The following TECPR2 variants were observed in gnomAD, a reference collection of about 807,000 sequenced individuals.
TECPR2 encodes the protein tectonin beta-propeller repeat-containing protein 2.
TECPR2 carries 65 observed loss-of-function variants against 138.1 expected under a neutral mutation model. The observed-to-expected ratio is 0.47, with a 90% confidence interval of 0.39 to 0.58. The LOEUF (loss-of-function observed/expected upper bound fraction) is 0.58, where lower values mean the gene tolerates loss of function less well. TECPR2 is among the 20% of genes least tolerant of loss of function. The pLI is 0.00. For missense variants in TECPR2, 1,553 were observed against 1,824.5 expected, an observed-to-expected ratio of 0.85 and a Z score of 2.71; for synonymous variants, 746 against 749.8, an observed-to-expected ratio of 0.99 and a Z score of 0.08.
intron 17 of TECPR2, among the ~76,000 whole-genome samples, chr14:102,493,068 C>G (rs1417593375): frequency 6.6e-6 from 1 of 152,272 alleles, no homozygotes; most frequent in Non-Finnish European, 1.5e-5. Flanking sequence ...TATCTGGAGA[C>G]CCCTCAGAGA....
intron 16 of TECPR2, among the ~76,000 whole-genome samples, chr14:102,460,445 C>T (rs1455726117): frequency 6.6e-6 from 1 of 151,696 alleles, no homozygotes; most frequent in African/African-American, 2.4e-5. Flanking sequence ...GAAGCCCCGT[C>T]TCTACTAACA....
intron 2 of TECPR2, among the ~76,000 whole-genome samples, chr14:102,380,925 G>T (rs376528174): frequency 6.6e-6 from 1 of 150,446 alleles, no homozygotes; most frequent in Non-Finnish European, 1.5e-5. Flanking sequence ...TGATCTGCCC[G>T]CCTCGGCCTC....
Position 102,435,139 on chromosome 14 carries a change from C to T in TECPR2, c.2322C>T (p.Leu774=), listed in dbSNP as rs1889626955. The change falls in exon 9 of 20, where the codon CTC becomes CTT. Residue 774 remains leucine, a synonymous_variant. Coordinates refer to ENST00000359520, the MANE Select transcript of TECPR2 (RefSeq NM_014844.5). The part of the protein sequence containing the change: ...SSSSETSVTE[L]GPSCSQQDLS... ...CCTCAGAGACGAGTGTGACAGAGCT[C>T]GGACCTAGTTGCTCCCAGCAGGACC... 16 of 1,613,396 alleles carry T rather than the reference C, an allele frequency of 9.9e-6. No individual in the cohort carries two copies. The highest frequency in any genetic ancestry group is 1.0e-5 in the Non-Finnish European group (12 of 1,180,044).
At chr14:102,431,556 A>T (rs35257572) in intron 7 of TECPR2, among the ~76,000 whole-genome samples, 1 of 151,958 alleles carries the variant, frequency 6.6e-6, no homozygotes, top group East Asian at 1.9e-4. Context: ...GTTAGCCAGG[A>T]TGGTCTTGAT....
At chr14:102,411,884 T>C (rs1888882655) in intron 4 of TECPR2, among the ~76,000 whole-genome samples, 1 of 151,998 alleles carries the variant, frequency 6.6e-6, no homozygotes, top group Non-Finnish European at 1.5e-5. Context: ...TTTAATAATA[T>C]CCTCATATGA....
intron 4 of TECPR2, among the ~76,000 whole-genome samples, chr14:102,409,392 C>T (rs1888756855): frequency 1.3e-5 from 2 of 151,878 alleles, no homozygotes; most frequent in African/African-American, 2.4e-5. Context: ...CTCCATATCC[C>T]GGGTTCAAGC....
In TECPR2 at chr14:102,444,195, C is replaced by CT. The variant is rs111476747; in HGVS notation, c.2933+384dup. On this transcript the variant is annotated intron_variant, in intron 12 of 19. Transcript: ENST00000359520. ...ATCGAAGTTGATCTCTGAACTGTAGCTTTTTTTTTTTTTTTTGATACAGGT... is the reference window on the plus strand; with the variant it reads ...ATCGAAGTTGATCTCTGAACTGTAGCTTTTTTTTTTTTTTTTTGATACAGGT... Among the ~76,000 whole-genome samples, 926 of 138,746 alleles carry CT rather than the reference C, an allele frequency of 6.7e-3. 8 individuals are homozygous for CT. The highest frequency in any genetic ancestry group is 6.6e-3 in the Non-Finnish European group (420 of 63,834). The allele number at this position is 138,746 out of a possible 152,430, so 91.0% of individuals were successfully genotyped here.
intron 2 of TECPR2, among the ~76,000 whole-genome samples, chr14:102,384,730 T>C (rs1023698309): frequency 3.3e-5 from 5 of 149,370 alleles, no homozygotes; most frequent in African/African-American, 1.2e-4. Context: ...TATATACACA[T>C]ATATATGTAT....
At position 102,431,974 on chromosome 14, in the gene TECPR2, G is replaced by A; in HGVS notation, c.1263G>A (p.Gly421=). The stretch of plus-strand genomic sequence containing the variant: ...TCAACTCCACCGACAGCGGCTCCGG[G>A]CTCCTGCCCCCTGGGCTCCAGGCCA... ...SSLNSTDSGS[G]LLPPGLQATP... is the part of the protein sequence containing the mutation. Residue 421 remains glycine (G), a synonymous_variant, in exon 8 of 20, where the codon GGG becomes GGA. Coordinates refer to ENST00000359520, the MANE Select transcript of TECPR2 (RefSeq NM_014844.5). 10 of 1,612,960 alleles carry A rather than the reference G, an allele frequency of 6.2e-6. No individual in the cohort carries two copies. The highest frequency in any genetic ancestry group is 8.5e-6 in the Non-Finnish European group (10 of 1,179,862).
At chr14:102,385,006 G>T (rs1370968683) in intron 2 of TECPR2, among the ~76,000 whole-genome samples, 1 of 151,464 alleles carries the variant, frequency 6.6e-6, no homozygotes, top group Non-Finnish European at 1.5e-5. Flanking sequence ...ACAGGTGTGC[G>T]CCACCACATC....
intron 16 of TECPR2, among the ~76,000 whole-genome samples, chr14:102,457,300 G>C (rs900620175): frequency 1.3e-5 from 2 of 151,938 alleles, no homozygotes; most frequent in Non-Finnish European, 2.9e-5. Flanking sequence ...GGCCAAGCTG[G>C]TCTCGAGCTC....
In TECPR2 at chr14:102,497,709, G is replaced by T. The variant is rs553124565; in HGVS notation, c.4071G>T (p.Ser1357=). Residue 1357 remains serine (S), a synonymous_variant, in exon 19 of 20, where the codon TCG becomes TCT. Coordinates refer to ENST00000359520, the MANE Select transcript of TECPR2 (RefSeq NM_014844.5). The stretch of plus-strand genomic sequence containing the variant: ...GGAAGAAAATTCCCGGCAGCGTGTC[G>T]TGTTTCACAGGCAGGTGCCCGGGGC... ...DYWKKIPGSV[S]CFTVTASDEL... is the part of the protein sequence containing the mutation. 8.1e-6 allele frequency: 13 copies of T among 1,605,050 alleles called. No individual in the cohort carries two copies. Among genetic ancestry groups the T allele is most frequent in the African/African-American group, 2.7e-5 (2 of 74,810 alleles).
intron 2 of TECPR2, among the ~76,000 whole-genome samples, chr14:102,391,302 C>T (rs183651500): frequency 8.5e-5 from 13 of 152,278 alleles, no homozygotes; most frequent in Admixed American, 4.6e-4. Flanking sequence ...TCAAGTGATC[C>T]GCCCACCTCG....
At chr14:102,368,071 G>A (rs546248189) in intron 1 of TECPR2, among the ~76,000 whole-genome samples, 7 of 135,566 alleles carry the variant, frequency 5.2e-5, no homozygotes, top group Non-Finnish European at 1.1e-4. Flanking sequence ...GCAGTGGTGC[G>A]ATCTTGGCTC....
At chr14:102,424,917 T>C in intron 5 of TECPR2, 62 bp from the exon 6 acceptor site, 1 of 1,474,156 alleles carries the variant, frequency 6.8e-7, no homozygotes, top group South Asian at 1.3e-5. Flanking sequence ...GGTTGACAAC[T>C]GCATTACTTT....
At chr14:102,389,761 C>T (rs1781083797) in intron 2 of TECPR2, among the ~76,000 whole-genome samples, 1 of 152,122 alleles carries the variant, frequency 6.6e-6, no homozygotes, top group African/African-American at 2.4e-5. Flanking sequence ...CGGGAATTTG[C>T]CTTGTCTGTT....
At chr14:102,436,932 A>G (rs1488845118) in intron 9 of TECPR2, 1 of 955,148 alleles carries the variant, frequency 1.0e-6, no homozygotes, top group East Asian at 1.2e-4. Context: ...TTGGAATTCT[A>G]GGCCAGAAAT....
rs768604045 is a variant in TECPR2, at chr14:102,498,307, CAG to C, written c.*51_*52del. 3.2e-6 allele frequency: 5 copies of C among 1,556,930 alleles called. No homozygotes were observed. Among genetic ancestry groups the C allele is most frequent in the Admixed American group, 1.9e-5 (1 of 52,780 alleles). On this transcript the variant is annotated 3_prime_UTR_variant, in exon 20 of 20. Coordinates refer to ENST00000359520, the MANE Select transcript of TECPR2 (RefSeq NM_014844.5). ...AGGGGCCCGGCGTCTGTGGCGGGCA[CAG>C]GGGCTTCAGAGTGACTCCCTGGTGG...
chr14:102,406,266 G>A (rs1387829673), intron 2 of TECPR2, among the ~76,000 whole-genome samples: 2 of 152,138 alleles, frequency 1.3e-5, no homozygotes, highest in Admixed American at 6.6e-5. Flanking sequence ...TGGGGGATGA[G>A]GGCTGGGCAT....
Sources: allele counts gnomAD v4.1 joint callset (sites outside exome capture counted in the v4.1 genomes callset), GRCh38; gene constraint gnomAD v4.1.1; transcripts MANE v1.5; gene names NCBI Gene and HGNC (gene_info 2026-07-23, HGNC 2026-07-21).